CLASRP: variants seen among roughly 807,000 people sequenced by gnomAD.
CLASRP encodes the protein CLK4-associating serine/arginine rich protein.
A neutral mutation model predicts 99.9 loss-of-function variants in CLASRP; 52 were observed. The observed-to-expected ratio is 0.52, with a 90% CI of 0.42 to 0.66. The LOEUF (loss-of-function observed/expected upper bound fraction) is 0.66, where lower values mean the gene tolerates loss of function less well. Ranked by LOEUF, CLASRP falls within the 30% of genes least tolerant of loss-of-function variation. The pLI, the probability that CLASRP is intolerant of heterozygous loss-of-function variation, is 0.00. For synonymous variants in CLASRP, 379 were observed against 373.0 expected (o/e 1.02, Z -0.18); for missense variants, 848 against 999.2 (o/e 0.85, Z 2.04).
rs377155153 is a variant in CLASRP, at chr19:45,060,467, G to A, written c.789G>A (p.Ser263=). Residue 263 remains serine, a splice_region_variant and synonymous_variant, in exon 9 of 21, where the codon TCG becomes TCA. Transcript: ENST00000221455. The surrounding 1 kb of genome is among the most constrained non-coding windows in gnomAD (Gnocchi z 4.6). ...TTGAGGAGGAGAAGGCCATGTACTC[G>A]GTGAGGTCTGGGCTGGAGTGGAAGG... ...KALEEEKAMY[S]GRRSRRQRRE... The A allele has an allele frequency of 9.9e-6, 16 of 1,614,014 alleles. No individual in the cohort carries two copies. The highest frequency in any genetic ancestry group is 7.6e-6 in the Non-Finnish European group (9 of 1,180,012).
At chr19:45,065,620 T>C (rs1967068977) in intron 13 of CLASRP, among the ~76,000 whole-genome samples, 1 of 151,190 alleles carries the variant, frequency 6.6e-6, no homozygotes, top group African/African-American at 2.4e-5. Context: ...AGGCTAGCTC[T>C]AGGGATGGTT....
Position 45,064,475 on chromosome 19 carries a change from G to C in CLASRP, c.1254G>C (p.Arg418=), listed in dbSNP as rs1030547234. The change falls in exon 13 of 21, where the codon CGG becomes CGC. Residue 418 remains arginine, a synonymous_variant. Transcript: ENST00000221455. ...YYRSGRHARS[R]SRSWSRSRSR... ...GTTCCGGCCGCCACGCCCGCTCCCG[G>C]TCCCGCTCCTGGTCCCGCTCCCGCT... 2.6e-6 allele frequency: 4 copies of C among 1,532,134 alleles called. No homozygotes were observed. Among genetic ancestry groups the C allele is most frequent in the Non-Finnish European group, 3.5e-6 (4 of 1,142,786 alleles). 94.9% of individuals were successfully genotyped at this position (1,532,134 alleles called of 1,614,324 possible).
At position 45,062,194 on chromosome 19, in the gene CLASRP, C is replaced by T. The variant is rs1371172348; in HGVS notation, c.904C>T (p.Arg302Trp). Residue 302 changes from arginine to tryptophan, a missense_variant and splice_region_variant, in exon 11 of 21, where the codon CGG becomes TGG. Arg to Trp is a moderately radical substitution (Grantham distance 101, BLOSUM62 -3). Around this residue, in one of 8 missense-constraint regions of CLASRP, gnomAD observed 489 missense variants for 434.7 expected, o/e 1.12. Transcript: ENST00000221455. ...CAGCCCCACCTATGACCCCTATAAG[C>T]GGTAAGTTGCTCTGGAGGACCAGGG... The part of the protein sequence containing the change: ...RDSPTYDPYK[R>W]SPSESSSESR... The T allele has an allele frequency of 9.3e-6, 14 of 1,512,280 alleles. No homozygotes were observed. The highest frequency in any genetic ancestry group is 2.3e-5 in the East Asian group (1 of 44,442). The allele number at this position is 1,512,280 out of a possible 1,614,324, so 93.7% of individuals were successfully genotyped here.
intron 10 of CLASRP, among the ~76,000 whole-genome samples, chr19:45,061,329 G>C (rs1160954311): frequency 6.6e-6 from 1 of 152,218 alleles, no homozygotes; most frequent in South Asian, 2.1e-4. Flanking sequence ...GGCACACAGA[G>C]GGTAGTGCAG....
At chr19:45,058,572 G>A (rs1186436739) in intron 7 of CLASRP, among the ~76,000 whole-genome samples, 1 of 152,002 alleles carries the variant, frequency 6.6e-6, no homozygotes. Context: ...TTTTAGTAGA[G>A]ACGGGGGTTT....
At position 45,067,496 on chromosome 19, in the gene CLASRP, C is replaced by A; in HGVS notation, c.1569C>A (p.Ser523Arg). Residue 523 changes from serine (S) to arginine (R), a missense_variant, in exon 14 of 21, where the codon AGC (serine) becomes AGA (arginine). Ser to Arg is a moderately radical substitution (Grantham distance 110). Around this residue, in one of 8 missense-constraint regions of CLASRP, gnomAD observed 489 missense variants for 434.7 expected, o/e 1.12. Coordinates refer to ENST00000221455, the MANE Select transcript of CLASRP (RefSeq NM_007056.3). The surrounding 1 kb of genome is among the most constrained non-coding windows in gnomAD (Gnocchi z 4.9). Reference sequence around the variant, plus strand: ...GCCCCAGCCCCAGCCAGAGCCGCAGCCGCAGCCGCAGCCGCAGCCAGAGCC... The same window carrying A: ...GCCCCAGCCCCAGCCAGAGCCGCAGACGCAGCCGCAGCCGCAGCCAGAGCC... ...SHSPSPSQSR[S>R]RSRSRSQSPS... is the part of the protein sequence containing the mutation. 6.3e-7 allele frequency: 1 copy of A among 1,581,568 alleles called. No homozygotes were observed.
chr19:45,057,979 C>T, intron 7 of CLASRP, 81 bp downstream of exon 7: 4 of 1,561,988 alleles, frequency 2.6e-6, no homozygotes, highest in South Asian at 2.3e-5. Context: ...CTGTGGGGCA[C>T]CCCGTGCTTA....
At chr19:45,064,876 T>C (rs1600113063) in intron 13 of CLASRP, among the ~76,000 whole-genome samples, 1 of 152,066 alleles carries the variant, frequency 6.6e-6, no homozygotes, top group South Asian at 2.1e-4. Flanking sequence ...CACGACAGGG[T>C]GTGGAGAGGA....
rs749297652 is a variant in CLASRP at position 45,064,387 on chromosome 19, C to CCTCCAGCTCCCG, written c.1176_1187dup (p.Ser399_Ser402dup). ...TCCTCCTCCTCTTCTGCCTCGAGGA[C>CCTCCAGCTCCCG]CTCCAGCTCCCGCTCCAGCTCTCGC... On this transcript the variant is annotated inframe_insertion, in exon 13 of 21. Coordinates refer to ENST00000221455, the MANE Select transcript of CLASRP (RefSeq NM_007056.3). 48 of 1,531,006 alleles carry CCTCCAGCTCCCG rather than the reference C, an allele frequency of 3.1e-5. No individual in the cohort carries two copies. Among genetic ancestry groups the CCTCCAGCTCCCG allele is most frequent in the African/African-American group, 4.1e-5 (3 of 72,778 alleles). The allele number at this position is 1,531,006 out of a possible 1,614,324, so 94.8% of individuals were successfully genotyped here. A position where few individuals can be genotyped will look rare whatever the true frequency, so the allele number is the denominator to read the frequency against.
chr19:45,039,920 C>G, intron 1 of CLASRP: 1 of 260,374 alleles, frequency 3.8e-6, no homozygotes, highest in South Asian at 5.3e-5. Context: ...GACTCCAGCG[C>G]GTGGAATCTA....
At chr19:45,055,898 C>A (rs1972110830) in intron 5 of CLASRP, among the ~76,000 whole-genome samples, 1 of 152,136 alleles carries the variant, frequency 6.6e-6, no homozygotes, top group Non-Finnish European at 1.5e-5. Flanking sequence ...TTACAACCCA[C>A]TGTCCCACAG....
chr19:45,045,848 T>C (rs898083516), intron 2 of CLASRP, among the ~76,000 whole-genome samples: 2 of 152,016 alleles, frequency 1.3e-5, no homozygotes, highest in Admixed American at 6.6e-5. Context: ...CTGTTGCTGA[T>C]AGAACTGGAG....
At chr19:45,050,459 C>A (rs954311795) in intron 2 of CLASRP, among the ~76,000 whole-genome samples, 1 of 151,976 alleles carries the variant, frequency 6.6e-6, no homozygotes, top group Non-Finnish European at 1.5e-5. Flanking sequence ...CCAAGGCAGG[C>A]GGATCACCTG....
In CLASRP at chr19:45,062,164, C is replaced by T; in HGVS notation, c.874C>T (p.Arg292Ter). 1 of 1,547,346 alleles carries T rather than the reference C, an allele frequency of 6.5e-7. No homozygotes were observed. The highest frequency in any genetic ancestry group is 8.9e-7 in the Non-Finnish European group (1 of 1,119,298). The change falls in exon 11 of 21, where the codon CGA (arginine) becomes TGA (stop). Residue 292 changes from arginine (R) to a stop codon, truncating the protein, a stop_gained. Coordinates refer to ENST00000221455, the MANE Select transcript of CLASRP (RefSeq NM_007056.3). LOFTEE classifies it high-confidence loss of function. The part of the protein sequence containing the change: ...RKISPPSYAR[R>*]DSPTYDPYKR... ...TTCTTTTCTCTGTAGCTATGCCCGC[C>T]GAGACAGCCCCACCTATGACCCCTA...
intron 2 of CLASRP, among the ~76,000 whole-genome samples, chr19:45,042,823 G>A (rs527290615): frequency 3.0e-4 from 45 of 152,114 alleles, no homozygotes; most frequent in African/African-American, 1.1e-3. Flanking sequence ...CACCATGTTG[G>A]TCAGGCTAGT....
At chr19:45,047,676 T>C (rs1971947695) in intron 2 of CLASRP, 1 of 152,216 alleles carries the variant, frequency 6.6e-6, no homozygotes, top group South Asian at 2.1e-4. Context: ...GTTTCAGTTT[T>C]GTAAGATTTA....
Position 45,070,811 on chromosome 19 carries a change from G to C in CLASRP, c.1991G>C (p.Arg664Thr). 1 of 1,611,644 alleles carries C rather than the reference G, an allele frequency of 6.2e-7. No homozygotes were observed. Among genetic ancestry groups the C allele is most frequent in the Admixed American group, 1.7e-5 (1 of 59,710 alleles). Residue 664 changes from arginine to threonine, a missense_variant, in exon 21 of 21, where the codon AGG becomes ACG. By Grantham distance (71) the Arg-to-Thr change is moderately conservative. Coordinates refer to ENST00000221455, the MANE Select transcript of CLASRP (RefSeq NM_007056.3). The stretch of plus-strand genomic sequence containing the variant: ...TCCCTTTCTCTTTCCAGGCGCTCAA[G>C]GTCCCGATCCCGAAGCCCCCATTAC... ...REYSSSRRRS[R>T]SRSRSPHYRH is the part of the protein sequence containing the mutation.
chr19:45,040,546 GA>G, intron 2 of CLASRP: 1 of 399,762 alleles, frequency 2.5e-6, no homozygotes, highest in South Asian at 2.4e-5. Context: ...GTGTTAGCAA[GA>G]AAAAGGGAAG....
chr19:45,040,973 A>G (rs1489895509), intron 2 of CLASRP, among the ~76,000 whole-genome samples: 1 of 152,120 alleles, frequency 6.6e-6, no homozygotes, highest in Non-Finnish European at 1.5e-5. Context: ...CTGTAATCCC[A>G]GCACTTTGGG....
Sources: gnomAD v4.1 joint callset for allele counts (sites outside exome capture counted in the v4.1 genomes callset) on GRCh38, gnomAD v4.1.1 for gene constraint, gnomAD v4.1.1 regional missense constraint, Gnocchi (gnomAD v3.1) non-coding constraint, MANE v1.5 for transcripts, NCBI Gene and HGNC (gene_info 2026-07-23, HGNC 2026-07-21) for gene names.